Variants in MYLK observed in about 807,000 individuals in gnomAD.
The protein encoded by MYLK is myosin light chain kinase.
In MYLK, 106 loss-of-function variants were observed where a neutral mutation model predicts 203.4. That is an observed-to-expected ratio of 0.52 (90% CI 0.45 to 0.61). The LOEUF (loss-of-function observed/expected upper bound fraction) is 0.61, where lower values mean the gene tolerates loss of function less well. Ranked by LOEUF, MYLK falls within the 20% of genes least tolerant of loss-of-function variation. The probability of loss-of-function intolerance (pLI) is 0.00; values close to 1 mark genes in which losing one functional copy is unlikely to be tolerated. For synonymous variants in MYLK, 867 were observed against 959.5 expected (o/e 0.90, Z 1.78); for missense variants, 2,072 against 2,442.3 (o/e 0.85, Z 3.20).
At chr3:123,712,283 G>A (rs2061727800) in intron 13 of MYLK, among the ~76,000 whole-genome samples, 1 of 152,300 alleles carries the variant, frequency 6.6e-6, no homozygotes, top group Non-Finnish European at 1.5e-5. Flanking sequence ...TGGCTGCCTC[G>A]GGAGAGTTGA....
At chr3:123,775,959 A>G (rs535427543) in intron 4 of MYLK, among the ~76,000 whole-genome samples, 1 of 152,200 alleles carries the variant, frequency 6.6e-6, no homozygotes, top group African/African-American at 2.4e-5. Flanking sequence ...GATCTTTCTG[A>G]CGACTAGGAT....
chr3:123,690,963 C>T (rs576797908), intron 19 of MYLK, among the ~76,000 whole-genome samples: 2 of 151,514 alleles, frequency 1.3e-5, no homozygotes, highest in South Asian at 4.2e-4. Context: ...ATTCCCCAAA[C>T]CTTAAAAAAA....
intron 2 of MYLK, among the ~76,000 whole-genome samples, chr3:123,847,933 TAGAC>T (rs2148660624): frequency 6.6e-6 from 1 of 152,210 alleles, no homozygotes; most frequent in Non-Finnish European, 1.5e-5. Flanking sequence ...TCTATCCTCT[TAGAC>T]AGTTTGCACA....
intron 3 of MYLK, among the ~76,000 whole-genome samples, chr3:123,819,555 C>T (rs544759647): frequency 6.6e-6 from 1 of 152,136 alleles, no homozygotes; most frequent in Non-Finnish European, 1.5e-5. Context: ...AAATCTAAGA[C>T]CCTTCACAGC....
intron 12 of MYLK, 22 bp downstream of exon 12, chr3:123,725,922 A>T: frequency 1.2e-6 from 2 of 1,611,980 alleles, no homozygotes; most frequent in Non-Finnish European, 1.7e-6. Flanking sequence ...GGGAGCAGAG[A>T]GCTGGGGCAG....
At chr3:123,872,814 T>A (rs1310104741) in intron 2 of MYLK, among the ~76,000 whole-genome samples, 1 of 152,174 alleles carries the variant, frequency 6.6e-6, no homozygotes, top group African/African-American at 2.4e-5. Context: ...TTCCGTTACA[T>A]AGGAATCACT....
intron 24 of MYLK, among the ~76,000 whole-genome samples, chr3:123,651,048 A>G (rs565101242): frequency 9.8e-5 from 15 of 152,312 alleles, no homozygotes; most frequent in Admixed American, 2.6e-4. Flanking sequence ...AAAAGCCACA[A>G]TGGAGCTGGA....
At chr3:123,717,839 C>CTTTTTTTT (rs10574979) in intron 13 of MYLK, among the ~76,000 whole-genome samples, 7 of 94,992 alleles carry the variant, frequency 7.4e-5, no homozygotes, top group African/African-American at 3.0e-4. Context: ...TTGAGGGACT[C>CTTTTTTTT]TTTTTTTTTT....
chr3:123,877,704 G>A (rs2033250714), intron 1 of MYLK, among the ~76,000 whole-genome samples: 2 of 152,190 alleles, frequency 1.3e-5, no homozygotes, highest in African/African-American at 2.4e-5. Context: ...CTCCAGGCAC[G>A]TTCTAAAGCC....
chr3:123,631,007 G>A (rs901065200), intron 29 of MYLK, among the ~76,000 whole-genome samples: 4 of 152,110 alleles, frequency 2.6e-5, no homozygotes, highest in African/African-American at 4.8e-5. Flanking sequence ...TGCTGCTGTC[G>A]TCTCAAGATT....
Position 123,620,162 on chromosome 3 carries a change from C to G in MYLK, c.5368+45G>C, listed in dbSNP as rs776377711. On this transcript the variant is annotated intron_variant, in intron 32 of 33. Coordinates refer to ENST00000360304, the MANE Select transcript of MYLK (RefSeq NM_053025.4). The stretch of plus-strand genomic sequence containing the variant: ...AACCTCAAAATGCCCCTTTGTTCCC[C>G]AGCCCTTTCTTTCTCACCAGCTGGC... The G allele has an allele frequency of 2.4e-5, 38 of 1,553,628 alleles. No individual in the cohort carries two copies. The South Asian group carries it at 4.2e-4, about 17-fold the overall frequency.
chr3:123,820,089 C>T (rs1376750260), intron 3 of MYLK, among the ~76,000 whole-genome samples: 1 of 152,196 alleles, frequency 6.6e-6, no homozygotes, highest in Non-Finnish European at 1.5e-5. Flanking sequence ...TCACTGAGAG[C>T]ACAGAGCAGG....
At chr3:123,832,728 T>C (rs2066371768) in intron 2 of MYLK, among the ~76,000 whole-genome samples, 1 of 152,128 alleles carries the variant, frequency 6.6e-6, no homozygotes. Context: ...CTTGGCACCA[T>C]CTTGGAAGCA....
intron 2 of MYLK, among the ~76,000 whole-genome samples, chr3:123,873,032 T>C (rs865949108): frequency 3.7e-4 from 57 of 152,226 alleles, no homozygotes; most frequent in African/African-American, 1.4e-3. Context: ...GGACTTATTA[T>C]GAATAACCAA....
chr3:123,698,529 G>T (rs142401011), intron 18 of MYLK, among the ~76,000 whole-genome samples: 9 of 152,130 alleles, frequency 5.9e-5, no homozygotes, highest in Non-Finnish European at 1.0e-4. Flanking sequence ...AGGTTGTGGC[G>T]TCTGCTCCTC....
intron 2 of MYLK, among the ~76,000 whole-genome samples, chr3:123,859,493 A>G (rs1332098884): frequency 6.6e-6 from 1 of 152,244 alleles, no homozygotes; most frequent in Non-Finnish European, 1.5e-5. Context: ...CCTTCCAGAC[A>G]TGGGTACTGA....
intron 3 of MYLK, among the ~76,000 whole-genome samples, chr3:123,819,926 C>T (rs1303426314): frequency 6.6e-6 from 1 of 151,988 alleles, no homozygotes; most frequent in Non-Finnish European, 1.5e-5. Flanking sequence ...GCACCACCCT[C>T]CTTCTAAATC....
intron 2 of MYLK, among the ~76,000 whole-genome samples, chr3:123,848,002 T>C (rs1267823775): frequency 6.6e-6 from 1 of 152,032 alleles, no homozygotes; most frequent in African/African-American, 2.4e-5. Flanking sequence ...ATTTAAGCCT[T>C]ATATTTTTGG....
intron 23 of MYLK, among the ~76,000 whole-genome samples, chr3:123,663,464 GACTC>G (rs1262525958): frequency 6.6e-6 from 1 of 152,146 alleles, no homozygotes; most frequent in Admixed American, 6.5e-5. Flanking sequence ...GTGCAGTAGA[GACTC>G]ACCCCTGTCA....
Sources: allele counts gnomAD v4.1 joint callset (sites outside exome capture counted in the v4.1 genomes callset), GRCh38; gene constraint gnomAD v4.1.1; transcripts MANE v1.5; gene names NCBI Gene and HGNC (gene_info 2026-07-23, HGNC 2026-07-21).